Variants in INPP5E observed in about 807,000 individuals in gnomAD.
INPP5E encodes the protein phosphatidylinositol polyphosphate 5-phosphatase type IV.
A neutral mutation model predicts 50.5 loss-of-function variants in INPP5E; 34 were observed. The ratio of observed to expected loss-of-function variants is 0.67; its 90% CI spans 0.51 to 0.90. The LOEUF (loss-of-function observed/expected upper bound fraction) is 0.90, where lower values mean the gene tolerates loss of function less well. INPP5E is among the 40% of genes least tolerant of loss of function. INPP5E has a pLI of 0.00. For missense variants in INPP5E, 942 were observed against 905.5 expected, an observed-to-expected ratio of 1.04 and a Z score of -0.52; for synonymous variants, 447 against 406.0, an observed-to-expected ratio of 1.10 and a Z score of -1.21.
intron 2 of INPP5E, 77 bp downstream of exon 2, chr9:136,434,663 C>A: frequency 6.5e-7 from 1 of 1,536,084 alleles, no homozygotes; most frequent in South Asian, 1.2e-5. Flanking sequence ...AGGCACAGAG[C>A]TGCCCCGTCC....
rs1835751542 is a variant in INPP5E at position 136,433,147 on chromosome 9, G to GCGTCCACCCCTCCAGCCA, written c.1159+7_1159+8insTGGCTGGAGGGGTGGACG. ...TCCAGCCGCGCCCACCCCTCCAGCC[G>GCGTCCACCCCTCCAGCCA]CGCCCACCTGAGCAGAACCAGATGA... On this transcript the variant is annotated splice_region_variant and intron_variant, in intron 4 of 9. Coordinates refer to ENST00000371712, the MANE Select transcript of INPP5E (RefSeq NM_019892.6). 1 of 1,589,958 alleles carries GCGTCCACCCCTCCAGCCA rather than the reference G, an allele frequency of 6.3e-7. No homozygotes were observed. The highest frequency in any genetic ancestry group is 8.6e-7 in the Non-Finnish European group (1 of 1,168,760).
At chr9:136,433,114 T>A in intron 4 of INPP5E, 39 bp from the exon 5 acceptor site, 5 of 1,403,882 alleles carry the variant, frequency 3.6e-6, no homozygotes, top group Non-Finnish European at 4.8e-6. Flanking sequence ...TGTGGGACGC[T>A]GCCACCTTCC....
chr9:136,430,496 CA>C lies in INPP5E; in HGVS notation c.1666-84del, dbSNP rs369345251. The C allele has an allele frequency of 4.4e-4, 660 of 1,501,412 alleles. 2 individuals are homozygous for C. The African/African-American group carries it at 8.5e-3, about 19-fold the overall frequency. 93.0% of individuals were successfully genotyped at this position (1,501,412 alleles called of 1,614,324 possible). A position where few individuals can be genotyped will look rare whatever the true frequency, so the allele number is the denominator to read the frequency against. ...GGCCCGCTCACCTCCCTGCTGTTCT[CA>C]AGCGCCCCCCACAAGGAAGCCTTCT... On this transcript the variant is annotated intron_variant, in intron 8 of 9. Coordinates refer to ENST00000371712, the MANE Select transcript of INPP5E (RefSeq NM_019892.6).
chr9:136,430,430 G>A lies in INPP5E; in HGVS notation c.1666-17C>T. On this transcript the variant is annotated splice_polypyrimidine_tract_variant and intron_variant, in intron 8 of 9. Transcript: ENST00000371712. ...GACGCGGTCCTTTGGGAAGATTGCA[G>A]AGGCAGGAGGTCCAGTTACTTGTGA... 6.4e-7 allele frequency: 1 copy of A among 1,553,604 alleles called. No individual in the cohort carries two copies. Among genetic ancestry groups the A allele is most frequent in the Non-Finnish European group, 8.7e-7 (1 of 1,147,986 alleles).
intron 6 of INPP5E, 119 bp from the exon 7 acceptor site, chr9:136,432,104 G>T: frequency 1.6e-6 from 2 of 1,277,658 alleles, no homozygotes; most frequent in Non-Finnish European, 2.2e-6. Context: ...CCAGCCGGTG[G>T]GGCCGGGCCC....
At chr9:136,433,428 G>A in intron 3 of INPP5E, 149 bp from the exon 4 acceptor site, 1 of 1,223,758 alleles carries the variant, frequency 8.2e-7, no homozygotes, top group South Asian at 1.6e-5. Context: ...TTGCCAGAAG[G>A]CCTGGTGGGC....
intron 3 of INPP5E, 81 bp from the exon 4 acceptor site, chr9:136,433,360 C>T (rs1480623362): frequency 2.7e-6 from 4 of 1,492,910 alleles, no homozygotes; most frequent in South Asian, 1.3e-5. Context: ...CAGAGCCCCT[C>T]GAGGAGCTAC....
chr9:136,433,644 AGGCCTTG>A (rs1835764590), intron 3 of INPP5E, among the ~76,000 whole-genome samples: 1 of 152,174 alleles, frequency 6.6e-6, no homozygotes, highest in Non-Finnish European at 1.5e-5. Flanking sequence ...GGGGCCCGGG[AGGCCTTG>A]GGGCCCGGCC....
chr9:136,438,290 C>A (rs188008178), intron 1 of INPP5E: 5 of 458,266 alleles, frequency 1.1e-5, no homozygotes, highest in Non-Finnish European at 2.0e-5. Context: ...ACCAAAGGGG[C>A]GGATCGTATA....
chr9:136,434,363 G>T, intron 2 of INPP5E, among the ~76,000 whole-genome samples: 1 of 152,158 alleles, frequency 6.6e-6, no homozygotes, highest in Non-Finnish European at 1.5e-5. Flanking sequence ...TCTGTCCAAC[G>T]ACCACCCCTG....
In INPP5E at chr9:136,433,414, G is replaced by A; in HGVS notation, c.1035-135C>T. On this transcript the variant is annotated intron_variant, in intron 3 of 9. Transcript: ENST00000371712. ...TGGCCTTGGTGTCTTGCGCGGAGAA[G>A]CAATTGCCAGAAGGCCTGGTGGGCC... 4 of 1,325,528 alleles carry A rather than the reference G, an allele frequency of 3.0e-6. No individual in the cohort carries two copies. In the South Asian group the frequency reaches 6.0e-5, roughly 20 times the overall value. The allele number at this position is 1,325,528 out of a possible 1,614,324, so 82.1% of individuals were successfully genotyped here.
At position 136,439,170 on chromosome 9, in the gene INPP5E, G is replaced by T; in HGVS notation, c.250C>A (p.Leu84Met). ...PPARPRLERA[L>M]SLDDKGWRRR... ...CTCCAGCCCTTGTCGTCCAGGGACA[G>T]GGCTCGCTCCAGTCGAGGCCTGGCG... is the stretch of plus-strand genomic sequence containing the variant. The change falls in exon 1 of 10, where the codon CTG becomes ATG. Residue 84 changes from leucine (L) to methionine (M), a missense_variant. Transcript: ENST00000371712. The T allele has an allele frequency of 3.2e-6, 5 of 1,564,200 alleles. No homozygotes were observed. Among genetic ancestry groups the T allele is most frequent in the African/African-American group, 1.3e-5 (1 of 74,114 alleles).
chr9:136,436,817 T>C (rs1588837206), intron 1 of INPP5E: 1 of 151,874 alleles, frequency 6.6e-6, no homozygotes, highest in Non-Finnish European at 1.5e-5. Context: ...ACAGAAAGAG[T>C]GCGCCGACTC....
intron 3 of INPP5E, 94 bp downstream of exon 3, chr9:136,433,943 A>G: frequency 1.0e-6 from 1 of 988,912 alleles, no homozygotes; most frequent in Non-Finnish European, 1.5e-6. Context: ...GGCACTGCAG[A>G]CCCGTGCCCA....
intron 1 of INPP5E, chr9:136,436,924 G>GA (rs1835844555): frequency 6.6e-6 from 1 of 152,220 alleles, no homozygotes; most frequent in South Asian, 2.1e-4. Context: ...CTGGTTGTTT[G>GA]AAAACAATGA....
chr9:136,436,822 C>T (rs542264860), intron 1 of INPP5E: 27 of 152,280 alleles, frequency 1.8e-4, no homozygotes, highest in African/African-American at 6.5e-4. Flanking sequence ...AAGAGTGCGC[C>T]GACTCCTATT....
chr9:136,434,081 G>C lies in INPP5E; in HGVS notation c.990C>G (p.Ala330=). 1 of 1,611,072 alleles carries C rather than the reference G, an allele frequency of 6.2e-7. No individual in the cohort carries two copies. Among genetic ancestry groups the C allele is most frequent in the African/African-American group, 1.3e-5 (1 of 75,034 alleles). ...GGACCCCGATGACATACAGGTCCTG[G>C]GCATAGTCGGCCTCGGCTGGGAGCA... The part of the protein sequence containing the change: ...EFLLPAEADY[A]QDLYVIGVQE... Residue 330 remains alanine (A), a synonymous_variant, in exon 3 of 10, where the codon GCC becomes GCG. Coordinates refer to ENST00000371712, the MANE Select transcript of INPP5E (RefSeq NM_019892.6).
At position 136,432,535 on chromosome 9, in the gene INPP5E, T is replaced by G. The variant is rs545195109; in HGVS notation, c.1331A>C (p.Gln444Pro). Reference protein sequence around the residue: ...ERLLDYTRTVQALVLPRNVPD... With the variant: ...ERLLDYTRTVPALVLPRNVPD... ...CACATTTCTGGGCAGGACCAGGGCTTGTACAGTCCTGGTGTAGTCCAGCAG... is the reference window on the plus strand; with the variant it reads ...CACATTTCTGGGCAGGACCAGGGCTGGTACAGTCCTGGTGTAGTCCAGCAG... Residue 444 changes from glutamine to proline, a missense_variant, in exon 6 of 10, where the codon CAA becomes CCA. By Grantham distance (76) the Gln-to-Pro change is moderately conservative. Coordinates refer to ENST00000371712, the MANE Select transcript of INPP5E (RefSeq NM_019892.6). 1 of 1,551,250 alleles carries G rather than the reference T, an allele frequency of 6.4e-7. No individual in the cohort carries two copies. Among genetic ancestry groups the G allele is most frequent in the Non-Finnish European group, 8.7e-7 (1 of 1,147,190 alleles).
intron 1 of INPP5E, chr9:136,437,895 A>G (rs1247969405): frequency 1.3e-5 from 2 of 153,890 alleles, no homozygotes; most frequent in Non-Finnish European, 1.4e-5. Context: ...GTTCAGCTGC[A>G]GTTCCTTCCA....
Sources: gnomAD v4.1 joint callset for allele counts (sites outside exome capture counted in the v4.1 genomes callset) on GRCh38, gnomAD v4.1.1 for gene constraint, MANE v1.5 for transcripts, NCBI Gene and HGNC (gene_info 2026-07-23, HGNC 2026-07-21) for gene names.